Variants in RNF145 observed in about 807,000 individuals in gnomAD.
RNF145 encodes the protein ring finger protein 145.
A neutral mutation model predicts 57.3 loss-of-function variants in RNF145; 12 were observed. The ratio of observed to expected loss-of-function variants is 0.21; its 90% confidence interval spans 0.13 to 0.34. The LOEUF is 0.34. Among genes scored for constraint, RNF145 ranks in the 10% least tolerant of loss-of-function variants. The pLI is 1.00. For synonymous variants in RNF145, 262 were observed against 288.3 expected, an observed-to-expected ratio of 0.91 and a Z score of 0.92; for missense variants, 429 against 799.0, an observed-to-expected ratio of 0.54 and a Z score of 5.58.
chr5:159,173,281 A>G (rs1292099506), intron 6 of RNF145, among the ~76,000 whole-genome samples: 1 of 152,000 alleles, frequency 6.6e-6, no homozygotes, highest in Non-Finnish European at 1.5e-5. Context: ...CGTTAGTGCT[A>G]GTGTATTTTA....
intron 9 of RNF145, among the ~76,000 whole-genome samples, chr5:159,162,496 G>A (rs1489420932): frequency 2.7e-5 from 4 of 148,036 alleles, no homozygotes; most frequent in Non-Finnish European, 5.9e-5. Context: ...CTGCAGTGGC[G>A]CAATCTCGGC....
Position 159,176,498 on chromosome 5 carries a change from G to A in RNF145, c.621+134C>T, listed in dbSNP as rs2113137621. 7 of 611,610 alleles carry A rather than the reference G, an allele frequency of 1.1e-5. No homozygotes were observed. In the South Asian group the frequency reaches 1.5e-4, roughly 13 times the overall value. 37.9% of individuals were successfully genotyped at this position (611,610 alleles called of 1,614,324 possible). ...TCTTTCAGATGCTCCTAATTGGGCT[G>A]AAAATAGCAGCTGTTTTGAAACTGC... On this transcript the variant is annotated intron_variant, in intron 5 of 10. Coordinates refer to ENST00000424310, the MANE Select transcript of RNF145 (RefSeq NM_001199383.2).
In RNF145 at chr5:159,161,269, A is replaced by G. The variant is rs753991279; in HGVS notation, c.1623T>C (p.Tyr541=). 8.5e-5 allele frequency: 136 copies of G among 1,596,716 alleles called. No individual in the cohort carries two copies. In the South Asian group the frequency reaches 1.2e-3, roughly 15 times the overall value. ...EKHNDICAIC[Y]QDMKSAVITP... ...ACATTCTTATTGAAGGAGTTACCTGATAACAGATGGCACAAATATCATTGT... is the reference window on the plus strand; with the variant it reads ...ACATTCTTATTGAAGGAGTTACCTGGTAACAGATGGCACAAATATCATTGT... Residue 541 remains tyrosine (Y), a synonymous_variant, in exon 10 of 11, where the codon TAT becomes TAC. Transcript: ENST00000424310.
intron 2 of RNF145, among the ~76,000 whole-genome samples, chr5:159,195,073 G>A (rs925253698): frequency 6.6e-6 from 1 of 152,106 alleles, no homozygotes; most frequent in Non-Finnish European, 1.5e-5. Flanking sequence ...ACACAAATGT[G>A]TAACACAACT....
chr5:159,180,301 C>T (rs137915205), intron 4 of RNF145, among the ~76,000 whole-genome samples: 240 of 152,162 alleles, frequency 1.6e-3, no homozygotes, highest in African/African-American at 5.5e-3. Context: ...TTGGTATACA[C>T]CCTCAACTGG....
rs147292059 is a variant in RNF145 at position 159,204,827 on chromosome 5, A to AAAAAAAAAAAAAAG, written c.-39-1172_-39-1171insCTTTTTTTTTTTTT. 6.6e-5 allele frequency among the ~76,000 whole-genome samples: 7 copies of AAAAAAAAAAAAAAG among 105,658 alleles called. 3 individuals are homozygous for AAAAAAAAAAAAAAG. Among genetic ancestry groups the AAAAAAAAAAAAAAG allele is most frequent in the African/African-American group, 1.2e-4 (3 of 24,868 alleles). 69.3% of individuals were successfully genotyped at this position (105,658 alleles called of 152,430 possible). Reference sequence around the variant, plus strand: ...TCAAAAAAAAAAAAAAAAAAAAAAAAGCAAACAAAAGTGGGTAAAGAACAA... The same window carrying AAAAAAAAAAAAAAG: ...TCAAAAAAAAAAAAAAAAAAAAAAAAAAAAAAAAAAAAAGGCAAACAAAAGTGGGTAAAGAACAA... On this transcript the variant is annotated intron_variant, in intron 1 of 10. Coordinates refer to ENST00000424310, the MANE Select transcript of RNF145 (RefSeq NM_001199383.2).
At position 159,158,761 on chromosome 5, in the gene RNF145, G is replaced by A. The variant is rs776916916; in HGVS notation, c.1901C>T (p.Ala634Val). ...EGSRDNNEYIARRPDNQEGAF... is the reference protein window; with the variant it reads ...EGSRDNNEYIVRRPDNQEGAF... ...CCCTTCCTGGTTATCTGGTCGTCTG[G>A]CAATGTACTCATTATTGTCCCTGGA... Residue 634 changes from alanine to valine, a missense_variant, in exon 11 of 11, where the codon GCC becomes GTC. Ala to Val is a moderately conservative substitution (Grantham distance 64, BLOSUM62 0). Coordinates refer to ENST00000424310, the MANE Select transcript of RNF145 (RefSeq NM_001199383.2). 6.2e-7 allele frequency: 1 copy of A among 1,613,948 alleles called. No individual in the cohort carries two copies. The highest frequency in any genetic ancestry group is 8.5e-7 in the Non-Finnish European group (1 of 1,179,860).
intron 7 of RNF145, 108 bp from the exon 8 acceptor site, chr5:159,169,163 T>G (rs1187619219): frequency 1.1e-6 from 1 of 888,226 alleles, no homozygotes; most frequent in Non-Finnish European, 1.7e-6. Flanking sequence ...TTTTTAAATC[T>G]ATTCTGACTT....
chr5:159,169,014 T>C lies in RNF145; in HGVS notation c.980A>G (p.Gln327Arg). 6.3e-7 allele frequency: 1 copy of C among 1,598,908 alleles called. No individual in the cohort carries two copies. Reference protein sequence around the residue: ...EGVTLLILAVQTGLIELQVVH... With the variant: ...EGVTLLILAVRTGLIELQVVH... Reference sequence around the variant, plus strand: ...AACCTGCAGTTCTATCAGCCCAGTCTGCACTGCCAGGATTAACAGCGTTAC... The same window carrying C: ...AACCTGCAGTTCTATCAGCCCAGTCCGCACTGCCAGGATTAACAGCGTTAC... The change falls in exon 8 of 11, where the codon CAG becomes CGG. Residue 327 changes from glutamine to arginine, a missense_variant. Coordinates refer to ENST00000424310, the MANE Select transcript of RNF145 (RefSeq NM_001199383.2).
intron 1 of RNF145, chr5:159,207,722 C>CT: frequency 6.2e-7 from 1 of 1,613,318 alleles, no homozygotes; most frequent in East Asian, 2.2e-5. Context: ...GTCCTCCCCA[C>CT]TCCCACTCCT....
chr5:159,179,140 C>T (rs1157540919), intron 4 of RNF145, among the ~76,000 whole-genome samples: 1 of 152,018 alleles, frequency 6.6e-6, no homozygotes, highest in Admixed American at 6.6e-5. Flanking sequence ...TCTATGCCAG[C>T]ACATGTGGTG....
At chr5:159,203,332 T>A (rs1785738113) in intron 2 of RNF145, 102 bp downstream of exon 2, 1 of 772,674 alleles carries the variant, frequency 1.3e-6, no homozygotes, top group Non-Finnish European at 2.2e-6. Flanking sequence ...ATCACTATCA[T>A]CTTAATGAAA....
rs1554148176 is a variant in RNF145, at chr5:159,209,504, T to TCGGCGTCGGCGGCGG, written c.-314_-313insCCGCCGCCGACGCCG. ...AGCCCCTTAGCAGCCGGCGCCGGCG[T>TCGGCGTCGGCGGCGG]CGGCGGCCATGGCCTCCTGCGTTTG... On this transcript the variant is annotated 5_prime_UTR_variant, in exon 1 of 11. Transcript: ENST00000424310. 9.0e-4 allele frequency: 870 copies of TCGGCGTCGGCGGCGG among 965,522 alleles called. 4 individuals carry two copies. The African/African-American group carries it at 0.011, about 12-fold the overall frequency. 59.8% of individuals were successfully genotyped at this position (965,522 alleles called of 1,614,324 possible). A position where few individuals can be genotyped will look rare whatever the true frequency, so the allele number is the denominator to read the frequency against.
intron 1 of RNF145, among the ~76,000 whole-genome samples, chr5:159,205,072 C>T (rs1785827089): frequency 6.6e-6 from 1 of 152,040 alleles, no homozygotes; most frequent in Non-Finnish European, 1.5e-5. Flanking sequence ...TCATAGCTTC[C>T]TAGTTCAGAT....
At chr5:159,172,220 G>C (rs529827542) in intron 6 of RNF145, among the ~76,000 whole-genome samples, 7 of 152,148 alleles carry the variant, frequency 4.6e-5, no homozygotes, top group Non-Finnish European at 1.0e-4. Flanking sequence ...GCCGGGCGTG[G>C]TGGTTCACAC....
At chr5:159,199,351 A>C (rs1430221213) in intron 2 of RNF145, among the ~76,000 whole-genome samples, 1 of 151,652 alleles carries the variant, frequency 6.6e-6, no homozygotes, top group African/African-American at 2.4e-5. Context: ...AATCAAAAGA[A>C]TCAGAAGCAA....
At chr5:159,186,001 C>T (rs1785040852) in intron 3 of RNF145, among the ~76,000 whole-genome samples, 2 of 152,112 alleles carry the variant, frequency 1.3e-5, no homozygotes, top group South Asian at 4.1e-4. Context: ...AGGCAGACGG[C>T]TCACTTGAGC....
chr5:159,209,859 G>T (rs1786052648), upstream of RNF145: 1 of 1,535,916 alleles, frequency 6.5e-7, no homozygotes, highest in African/African-American at 1.4e-5. Context: ...TCACCTGCAG[G>T]GACCACGTGG....
intron 1 of RNF145, chr5:159,207,708 G>T (rs1353291263): frequency 6.2e-7 from 1 of 1,612,348 alleles, no homozygotes; most frequent in South Asian, 1.1e-5. Context: ...TTTAAATATA[G>T]CTGGTCCTCC....
Sources: allele counts gnomAD v4.1 joint callset (sites outside exome capture counted in the v4.1 genomes callset), GRCh38; gene constraint gnomAD v4.1.1; transcripts MANE v1.5; gene names NCBI Gene and HGNC (gene_info 2026-07-23, HGNC 2026-07-21).